Variants in RPTOR observed in about 807,000 individuals in gnomAD.
RPTOR encodes the protein regulatory associated protein of MTOR complex 1, also known as regulatory-associated protein of mTOR.
A neutral mutation model predicts 169.9 loss-of-function variants in RPTOR; 21 were observed. The observed-to-expected ratio is 0.12, with a 90% CI of 0.09 to 0.18. The LOEUF (loss-of-function observed/expected upper bound fraction) is 0.18. Ranked by LOEUF, RPTOR falls within the 10% of genes least tolerant of loss-of-function variation. RPTOR has a pLI of 1.00. For missense variants in RPTOR, 1,133 were observed against 1,855.9 expected (o/e 0.61, Z 7.16); for synonymous variants, 732 against 753.2 (o/e 0.97, Z 0.46).
intron 21 of RPTOR, among the ~76,000 whole-genome samples, chr17:80,919,313 G>T (rs116192198): frequency 1.3e-5 from 2 of 152,228 alleles, no homozygotes; most frequent in East Asian, 1.9e-4. Context: ...CGGCCTCTGC[G>T]CTATTCTTAG....
intron 13 of RPTOR, among the ~76,000 whole-genome samples, chr17:80,876,263 T>C (rs2068111644): frequency 1.7e-5 from 1 of 58,030 alleles, no homozygotes; most frequent in Non-Finnish European, 3.0e-5. Context: ...ACCGAGCCCG[T>C]GCCACGCAGG....
chr17:80,897,104 T>TA lies in RPTOR; in HGVS notation c.2401+3246dup, dbSNP rs59803621. On this transcript the variant is annotated intron_variant, in intron 20 of 33. Coordinates refer to ENST00000306801, the MANE Select transcript of RPTOR (RefSeq NM_020761.3). Reference sequence around the variant, plus strand: ...ACATGGTGAAACCCTGTCTCTACTATAAAAAAATTAGCCAGGTGTGGTGGT... The same window carrying TA: ...ACATGGTGAAACCCTGTCTCTACTATAAAAAAAATTAGCCAGGTGTGGTGGT... Among the ~76,000 whole-genome samples the TA allele has an allele frequency of 8.6e-5, 13 of 151,450 alleles. 1 individual carries two copies. Among genetic ancestry groups the TA allele is most frequent in the Admixed American group, 6.6e-4 (10 of 15,242 alleles).
intron 1 of RPTOR, among the ~76,000 whole-genome samples, chr17:80,587,235 T>C (rs1027325051): frequency 6.6e-6 from 1 of 152,254 alleles, no homozygotes; most frequent in Non-Finnish European, 1.5e-5. Flanking sequence ...TATCAACTGT[T>C]TGTGCATCCC....
intron 13 of RPTOR, among the ~76,000 whole-genome samples, chr17:80,865,936 C>T (rs1203811866): frequency 6.6e-6 from 1 of 152,204 alleles, no homozygotes; most frequent in African/African-American, 2.4e-5. Flanking sequence ...GCGTGTTCTA[C>T]AGCCACAGTG....
intron 7 of RPTOR, among the ~76,000 whole-genome samples, chr17:80,807,249 C>T (rs1449314576): frequency 6.6e-6 from 1 of 152,184 alleles, no homozygotes; most frequent in African/African-American, 2.4e-5. Context: ...AGTTTGTTTA[C>T]ATTTAGTGTA....
At chr17:80,810,803 AG>A (rs1378139359) in intron 7 of RPTOR, among the ~76,000 whole-genome samples, 5 of 152,214 alleles carry the variant, frequency 3.3e-5, no homozygotes, top group African/African-American at 7.2e-5. Flanking sequence ...ATACTGATTT[AG>A]TTGTCTTGGT....
At chr17:80,791,540 T>G in intron 7 of RPTOR, 31 bp downstream of exon 7, 1 of 1,595,440 alleles carries the variant, frequency 6.3e-7, no homozygotes, top group Non-Finnish European at 8.6e-7. Flanking sequence ...CTTGTGGCTC[T>G]CTGGATCTGA....
At chr17:80,961,782 A>G (rs2069345815) in intron 31 of RPTOR, 1 of 373,010 alleles carries the variant, frequency 2.7e-6, no homozygotes, top group Middle Eastern at 7.5e-4. Flanking sequence ...CAGGGGTGGC[A>G]GGGTGGCAGG....
intron 3 of RPTOR, among the ~76,000 whole-genome samples, chr17:80,677,435 C>T (rs1033302479): frequency 6.6e-6 from 1 of 152,186 alleles, no homozygotes; most frequent in East Asian, 1.9e-4. Flanking sequence ...TCGTTGGCCC[C>T]AGTACAAAGT....
chr17:80,864,478 G>A (rs1337375631), intron 13 of RPTOR, among the ~76,000 whole-genome samples: 1 of 152,046 alleles, frequency 6.6e-6, no homozygotes, highest in Non-Finnish European at 1.5e-5. Flanking sequence ...CAGCGGAACA[G>A]CATCTTTAAA....
chr17:80,673,030 G>A (rs894693929), intron 3 of RPTOR, among the ~76,000 whole-genome samples: 2 of 152,014 alleles, frequency 1.3e-5, no homozygotes, highest in African/African-American at 2.4e-5. Context: ...GGGTTCAAGC[G>A]AGTCTCATGC....
intron 21 of RPTOR, among the ~76,000 whole-genome samples, chr17:80,921,600 C>A (rs2143973347): frequency 6.6e-6 from 1 of 152,354 alleles, no homozygotes; most frequent in South Asian, 2.1e-4. Flanking sequence ...AAAAGCAAAA[C>A]CTCTTGCCTC....
At chr17:80,954,120 C>T (rs561607214) in intron 28 of RPTOR, among the ~76,000 whole-genome samples, 75 of 152,348 alleles carry the variant, frequency 4.9e-4, no homozygotes, top group Middle Eastern at 3.4e-3. Context: ...ACCACTGCAA[C>T]GGCTAATCTT....
At chr17:80,783,010 G>C (rs2066957074) in intron 6 of RPTOR, among the ~76,000 whole-genome samples, 1 of 152,224 alleles carries the variant, frequency 6.6e-6, no homozygotes, top group African/African-American at 2.4e-5. Context: ...TGTGTTGTGT[G>C]TGTGTTTCCT....
At chr17:80,893,425 T>C (rs2068356488) in intron 19 of RPTOR, among the ~76,000 whole-genome samples, 1 of 142,500 alleles carries the variant, frequency 7.0e-6, no homozygotes, top group Admixed American at 7.0e-5. Flanking sequence ...AGGGTGTGTG[T>C]GTGCCAGGGT....
chr17:80,730,828 C>T lies in RPTOR; in HGVS notation c.654+122C>T, dbSNP rs2066385708. 7.8e-6 allele frequency: 8 copies of T among 1,024,792 alleles called. No individual in the cohort carries two copies. In the South Asian group the frequency reaches 9.0e-5, roughly 11 times the overall value. 63.5% of individuals were successfully genotyped at this position (1,024,792 alleles called of 1,614,324 possible). On this transcript the variant is annotated intron_variant, in intron 5 of 33. Coordinates refer to ENST00000306801, the MANE Select transcript of RPTOR (RefSeq NM_020761.3). The surrounding 1 kb of genome is among the most constrained non-coding windows in gnomAD (Gnocchi z 4.2). ...TCTGAATGGAGCAGGGCTCAGAATGCCAAGGGCAGGATGGCATATTCAATG... is the reference window on the plus strand; with the variant it reads ...TCTGAATGGAGCAGGGCTCAGAATGTCAAGGGCAGGATGGCATATTCAATG...
At position 80,777,064 on chromosome 17, in the gene RPTOR, C is replaced by A. The variant is rs1036284644; in HGVS notation, c.831-14386C>A. Among the ~76,000 whole-genome samples, 3 of 152,012 alleles carry A rather than the reference C, an allele frequency of 2.0e-5. No homozygotes were observed. The South Asian group carries it at 6.2e-4, about 32-fold the overall frequency. On this transcript the variant is annotated intron_variant, in intron 6 of 33. Transcript: ENST00000306801. ...GACCATCCTGACCAACATGGAGAAACCCTGTCTACTAAAAATACAAAAATT... is the reference window on the plus strand; with the variant it reads ...GACCATCCTGACCAACATGGAGAAAACCTGTCTACTAAAAATACAAAAATT...
chr17:80,665,898 T>C (rs1286805225), intron 3 of RPTOR, among the ~76,000 whole-genome samples: 1 of 152,170 alleles, frequency 6.6e-6, no homozygotes, highest in Admixed American at 6.5e-5. Flanking sequence ...TTGGAAGATC[T>C]TCGTCGGAAA....
chr17:80,914,037 G>A (rs1306343846), intron 21 of RPTOR, among the ~76,000 whole-genome samples: 1 of 152,256 alleles, frequency 6.6e-6, no homozygotes, highest in African/African-American at 2.4e-5. Context: ...GTGTGTGCAT[G>A]TGCGCTGGCC....
Sources: allele counts gnomAD v4.1 joint callset (sites outside exome capture counted in the v4.1 genomes callset), GRCh38; gene constraint gnomAD v4.1.1; non-coding constraint Gnocchi (gnomAD v3.1); transcripts MANE v1.5; gene names NCBI Gene and HGNC (gene_info 2026-07-23, HGNC 2026-07-21).